Variants in KHDRBS3 observed in about 807,000 individuals in gnomAD.
KHDRBS3 encodes KH domain-containing, RNA-binding, signal transduction-associated protein 3.
A neutral mutation model predicts 45.6 loss-of-function variants in KHDRBS3; 23 were observed. The observed-to-expected ratio is 0.50, with a 90% confidence interval of 0.36 to 0.72. KHDRBS3 has a LOEUF of 0.72. KHDRBS3 is among the 30% of genes least tolerant of loss of function. The probability of loss-of-function intolerance (pLI) is 0.00; values close to 1 mark genes in which losing one functional copy is unlikely to be tolerated. For synonymous variants in KHDRBS3, 162 were observed against 156.5 expected, an observed-to-expected ratio of 1.04 and a Z score of -0.26; for missense variants, 352 against 424.8, an observed-to-expected ratio of 0.83 and a Z score of 1.51.
intron 6 of KHDRBS3, among the ~76,000 whole-genome samples, chr8:135,589,017 C>G (rs546411748): frequency 6.6e-6 from 1 of 152,326 alleles, no homozygotes; most frequent in East Asian, 1.9e-4. Flanking sequence ...AGTCTTTTCA[C>G]TTGTTCCTCA....
chr8:135,476,057 G>A (rs1196876239), intron 1 of KHDRBS3, among the ~76,000 whole-genome samples: 1 of 152,186 alleles, frequency 6.6e-6, no homozygotes, highest in African/African-American at 2.4e-5. Context: ...CAGGGTATTT[G>A]TCAGGTTGTT....
chr8:135,478,038 C>T (rs1450691053), intron 1 of KHDRBS3, among the ~76,000 whole-genome samples: 1 of 152,166 alleles, frequency 6.6e-6, no homozygotes, highest in East Asian at 1.9e-4. Context: ...CTGCTGTGAA[C>T]TGCACATGTG....
In KHDRBS3 at chr8:135,581,926, A is replaced by C. The variant is rs552738790; in HGVS notation, c.660A>C (p.Arg220=). 1 of 1,612,172 alleles carries C rather than the reference A, an allele frequency of 6.2e-7. No individual in the cohort carries two copies. The highest frequency in any genetic ancestry group is 1.3e-5 in the African/African-American group (1 of 75,024). ...TARPVGVVVP[R]GTPTPRGVLS... is the part of the protein sequence containing the mutation. ...GGCCAGTTGGAGTTGTAGTACCACGAGGGACGCCAACTCCCAGAGGAGTCC... is the reference window on the plus strand; with the variant it reads ...GGCCAGTTGGAGTTGTAGTACCACGCGGGACGCCAACTCCCAGAGGAGTCC... Residue 220 remains arginine, a synonymous_variant, in exon 6 of 9, where the codon CGA becomes CGC. Coordinates refer to ENST00000355849, the MANE Select transcript of KHDRBS3 (RefSeq NM_006558.3).
chr8:135,642,107 A>G (rs1045076500), intron 7 of KHDRBS3, among the ~76,000 whole-genome samples: 4 of 152,342 alleles, frequency 2.6e-5, no homozygotes, highest in African/African-American at 9.6e-5. Flanking sequence ...TCTGTTTCTG[A>G]GCATGAGGAA....
intron 5 of KHDRBS3, among the ~76,000 whole-genome samples, chr8:135,567,638 A>G (rs909738601): frequency 6.6e-6 from 1 of 152,196 alleles, no homozygotes; most frequent in Non-Finnish European, 1.5e-5. Flanking sequence ...GTGTGTGCTC[A>G]ATAACTATTC....
chr8:135,595,220 A>G (rs1828921570), intron 6 of KHDRBS3, among the ~76,000 whole-genome samples: 1 of 152,182 alleles, frequency 6.6e-6, no homozygotes, highest in Admixed American at 6.5e-5. Flanking sequence ...TTCAGAGGGA[A>G]CAAAGGCAGC....
At chr8:135,641,983 C>T (rs910251472) in intron 7 of KHDRBS3, among the ~76,000 whole-genome samples, 13 of 152,186 alleles carry the variant, frequency 8.5e-5, no homozygotes, top group African/African-American at 2.9e-4. Flanking sequence ...CTCACCATAA[C>T]TGTATATTAT....
chr8:135,641,861 A>C (rs1831071403), intron 7 of KHDRBS3, among the ~76,000 whole-genome samples: 1 of 152,262 alleles, frequency 6.6e-6, no homozygotes, highest in Non-Finnish European at 1.5e-5. Context: ...TAAAGCTATC[A>C]TATCTTAAGC....
intron 4 of KHDRBS3, among the ~76,000 whole-genome samples, chr8:135,655,977 T>A (rs1831523763): frequency 6.6e-6 from 1 of 152,222 alleles, no homozygotes; most frequent in Non-Finnish European, 1.5e-5. Flanking sequence ...AATCACTCCA[T>A]GAATATCATA....
intron 6 of KHDRBS3, among the ~76,000 whole-genome samples, chr8:135,583,701 T>C (rs903135849): frequency 2.6e-5 from 4 of 152,192 alleles, no homozygotes; most frequent in Admixed American, 6.5e-5. Context: ...ACTATTGCCT[T>C]CATTACATGT....
intron 2 of KHDRBS3, among the ~76,000 whole-genome samples, chr8:135,532,937 A>T (rs1299374678): frequency 6.6e-6 from 1 of 152,130 alleles, no homozygotes; most frequent in Non-Finnish European, 1.5e-5. Context: ...ATGTAAATTT[A>T]TTTTGCTAGA....
At position 135,614,776 on chromosome 8, in the gene KHDRBS3, A is replaced by C. The variant is rs183936732; in HGVS notation, c.890+7739A>C. ...AAGCTACAACCCTGTAAAGAAAAGAAAAATTATTTGGTGACGCTTGTTAAA... is the reference window on the plus strand; with the variant it reads ...AAGCTACAACCCTGTAAAGAAAAGACAAATTATTTGGTGACGCTTGTTAAA... On this transcript the variant is annotated intron_variant, in intron 7 of 8. Transcript: ENST00000355849. 2.9e-3 allele frequency among the ~76,000 whole-genome samples: 446 copies of C among 151,914 alleles called. 4 individuals carry two copies. The highest frequency in any genetic ancestry group is 5.0e-3 in the Non-Finnish European group (340 of 68,010).
chr8:135,621,468 C>T (rs1830135764), intron 7 of KHDRBS3, among the ~76,000 whole-genome samples: 1 of 152,128 alleles, frequency 6.6e-6, no homozygotes, highest in African/African-American at 2.4e-5. Flanking sequence ...ATACCTTATT[C>T]CAAAGGGAAA....
chr8:135,474,193 A>C (rs1586567730), intron 1 of KHDRBS3, among the ~76,000 whole-genome samples: 1 of 152,200 alleles, frequency 6.6e-6, no homozygotes, highest in South Asian at 2.1e-4. Context: ...AAAAATCTTT[A>C]TAAACTTTCC....
chr8:135,479,301 C>A (rs183866137), intron 1 of KHDRBS3, among the ~76,000 whole-genome samples: 19 of 152,174 alleles, frequency 1.2e-4, no homozygotes, highest in African/African-American at 4.3e-4. Flanking sequence ...TGTTAAACAA[C>A]AACAAAAAAC....
At chr8:135,469,517 G>A (rs3933748) in intron 1 of KHDRBS3, among the ~76,000 whole-genome samples, 1 of 30,678 alleles carries the variant, frequency 3.3e-5, no homozygotes, top group Non-Finnish European at 8.1e-5. Flanking sequence ...TTTTTTTTTT[G>A]TTTTGGTTTT....
intron 5 of KHDRBS3, among the ~76,000 whole-genome samples, chr8:135,571,464 G>A (rs550756928): frequency 6.6e-6 from 1 of 152,244 alleles, no homozygotes; most frequent in African/African-American, 2.4e-5. Context: ...TCAGCAATGA[G>A]GAAGTCATTG....
intron 6 of KHDRBS3, among the ~76,000 whole-genome samples, chr8:135,605,699 A>C (rs562577696): frequency 4.6e-5 from 7 of 152,290 alleles, no homozygotes; most frequent in African/African-American, 1.2e-4. Flanking sequence ...ACATTCTATG[A>C]ATACTGTATT....
chr8:135,652,405 T>A (rs7008831), downstream of KHDRBS3, among the ~76,000 whole-genome samples: 144,656 of 152,290 alleles, frequency 0.95, 68,757 homozygotes, highest in East Asian at 1. Flanking sequence ...TTCAGGATAA[T>A]GCTCAGCCTC....
Sources: gnomAD v4.1 joint callset for allele counts (sites outside exome capture counted in the v4.1 genomes callset) on GRCh38, gnomAD v4.1.1 for gene constraint, MANE v1.5 for transcripts, NCBI Gene and HGNC (gene_info 2026-07-23, HGNC 2026-07-21) for gene names.